STK3: variants seen among roughly 807,000 people sequenced by gnomAD.
STK3 encodes the protein serine/threonine-protein kinase 3.
A neutral mutation model predicts 58.0 loss-of-function variants in STK3; 41 were observed. The ratio of observed to expected loss-of-function variants is 0.71; its 90% confidence interval spans 0.55 to 0.92. The LOEUF (loss-of-function observed/expected upper bound fraction) is 0.92. Ranked by LOEUF, STK3 falls within the 40% of genes least tolerant of loss-of-function variation. The pLI is 0.00. For synonymous variants in STK3, 170 were observed against 191.0 expected, an observed-to-expected ratio of 0.89 and a Z score of 0.91; for missense variants, 479 against 602.7, an observed-to-expected ratio of 0.79 and a Z score of 2.15.
chr8:98,785,481 G>T (rs915302588), intron 1 of STK3, among the ~76,000 whole-genome samples: 2 of 152,122 alleles, frequency 1.3e-5, no homozygotes, highest in African/African-American at 2.4e-5. Flanking sequence ...CTCCCTATGC[G>T]CTGACACTTG....
At chr8:98,902,090 CT>C (rs1838680406) in intron 1 of STK3, among the ~76,000 whole-genome samples, 1 of 152,124 alleles carries the variant, frequency 6.6e-6, no homozygotes. Context: ...CTCTCCCGCG[CT>C]TTCTTCTGCT....
intron 6 of STK3, among the ~76,000 whole-genome samples, chr8:98,678,058 ATGAT>A (rs1587267810): frequency 6.6e-6 from 1 of 152,234 alleles, no homozygotes; most frequent in African/African-American, 2.4e-5. Flanking sequence ...TCTTTTCAAA[ATGAT>A]TGTACTGATA....
the STK3 span, among the ~76,000 whole-genome samples, chr8:98,345,574 G>T: frequency 6.6e-6 from 1 of 152,012 alleles, no homozygotes; most frequent in East Asian, 1.9e-4. Flanking sequence ...AGGAAGAATC[G>T]TCTGAAAATA....
chr8:98,584,894 CTTCTT>C (rs1814348274), intron 7 of STK3, among the ~76,000 whole-genome samples: 2 of 151,822 alleles, frequency 1.3e-5, no homozygotes, highest in South Asian at 4.2e-4. Flanking sequence ...GCATAAATGT[CTTCTT>C]TTGAGAAGTG....
At chr8:98,694,813 G>A (rs577993651) in intron 6 of STK3, among the ~76,000 whole-genome samples, 7 of 152,236 alleles carry the variant, frequency 4.6e-5, no homozygotes, top group Admixed American at 1.3e-4. Flanking sequence ...ATAAACATAC[G>A]TGTGCATGTG....
intron 1 of STK3, among the ~76,000 whole-genome samples, chr8:98,806,955 C>T (rs1351020828): frequency 2.0e-5 from 3 of 151,988 alleles, no homozygotes; most frequent in Admixed American, 1.3e-4. Flanking sequence ...GAGATCGAAA[C>T]CATCCTGGCT....
At chr8:98,770,593 A>G (rs967084046) in intron 2 of STK3, among the ~76,000 whole-genome samples, 1 of 152,232 alleles carries the variant, frequency 6.6e-6, no homozygotes, top group African/African-American at 2.4e-5. Context: ...CACCAAAGGA[A>G]GCATATCAAA....
chr8:98,537,937 A>G (rs1809907715), intron 9 of STK3, among the ~76,000 whole-genome samples: 1 of 152,152 alleles, frequency 6.6e-6, no homozygotes. Context: ...TCCACCCACA[A>G]TTATTCATTA....
intron 3 of STK3, among the ~76,000 whole-genome samples, chr8:98,838,874 C>G (rs1835849242): frequency 6.6e-6 from 1 of 152,012 alleles, no homozygotes; most frequent in Admixed American, 6.6e-5. Flanking sequence ...CAATCCCGCC[C>G]CCACCCTACC....
Position 98,503,638 on chromosome 8 carries a change from T to A in STK3, c.1317+23104A>T, listed in dbSNP as rs557659220. Among the ~76,000 whole-genome samples the A allele has an allele frequency of 1.1e-4, 17 of 152,332 alleles. 1 individual carries two copies. Among genetic ancestry groups the A allele is most frequent in the Admixed American group, 9.8e-4 (15 of 15,306 alleles). On this transcript the variant is annotated intron_variant, in intron 10 of 10. Coordinates refer to ENST00000419617, the MANE Select transcript of STK3 (RefSeq NM_006281.4). ...ATTGGTTTCAAAGAACATCTTTATT[T>A]CTGCCTTCATTTCGTTATGTACCCA...
chr8:98,715,033 A>C (rs1826881417), intron 4 of STK3, among the ~76,000 whole-genome samples: 1 of 152,360 alleles, frequency 6.6e-6, no homozygotes, highest in South Asian at 2.1e-4. Flanking sequence ...AAATGGGGAA[A>C]GGATTCCCTA....
intron 6 of STK3, among the ~76,000 whole-genome samples, chr8:98,679,466 T>C (rs1823467501): frequency 6.6e-6 from 1 of 152,160 alleles, no homozygotes; most frequent in African/African-American, 2.4e-5. Flanking sequence ...TGAAATTTCC[T>C]ATCTTGTTTC....
At chr8:98,548,247 GTTTTAATACTTA>G in intron 8 of STK3, 86 bp from the exon 9 acceptor site, 1 of 1,034,008 alleles carries the variant, frequency 9.7e-7, no homozygotes, top group Non-Finnish European at 1.3e-6. Flanking sequence ...ATATATTATA[GTTTTAATACTTA>G]TTAAAAATAC....
chr8:98,559,773 T>A (rs892924051), intron 8 of STK3, among the ~76,000 whole-genome samples: 6 of 152,074 alleles, frequency 3.9e-5, no homozygotes, highest in African/African-American at 1.4e-4. Flanking sequence ...ACAGTGTAAG[T>A]GCAAAGTGAA....
intron 10 of STK3, among the ~76,000 whole-genome samples, chr8:98,461,421 A>C (rs1819966728): frequency 6.6e-6 from 1 of 152,148 alleles, no homozygotes; most frequent in African/African-American, 2.4e-5. Flanking sequence ...TGTGGTTTGT[A>C]ATTTTTTATC....
chr8:98,402,920 C>A (rs1001455069), intron 3 of STK3, among the ~76,000 whole-genome samples: 17 of 152,226 alleles, frequency 1.1e-4, no homozygotes, highest in Non-Finnish European at 2.4e-4. Flanking sequence ...AGAGAGGAGA[C>A]CCCACAATGG....
At chr8:98,701,356 G>A (rs549135024) in intron 6 of STK3, among the ~76,000 whole-genome samples, 5 of 152,192 alleles carry the variant, frequency 3.3e-5, no homozygotes, top group Non-Finnish European at 5.9e-5. Flanking sequence ...ACTGGCTTAC[G>A]CCTATAATCC....
chr8:98,372,542 T>G (rs148172759), intron 2 of STK3, among the ~76,000 whole-genome samples: 10 of 13,176 alleles, frequency 7.6e-4, no homozygotes, highest in African/African-American at 4.0e-3. Context: ...TGGTTTTTTG[T>G]TTTTTTTTTT....
At chr8:98,554,979 T>C (rs373800457) in intron 8 of STK3, among the ~76,000 whole-genome samples, 1 of 152,138 alleles carries the variant, frequency 6.6e-6, no homozygotes, top group African/African-American at 2.4e-5. Context: ...TAGAAAAAGG[T>C]CTGCAGAACA....
Sources: allele counts gnomAD v4.1 joint callset (sites outside exome capture counted in the v4.1 genomes callset), GRCh38; gene constraint gnomAD v4.1.1; transcripts MANE v1.5; gene names NCBI Gene and HGNC (gene_info 2026-07-23, HGNC 2026-07-21).